NIN: variants seen among roughly 807,000 people sequenced by gnomAD.
The protein encoded by NIN is glycogen synthase kinase 3 beta-interacting protein.
NIN carries 137 observed loss-of-function variants against 257.6 expected under a neutral mutation model. The ratio of observed to expected loss-of-function variants is 0.53; its 90% CI spans 0.46 to 0.61. NIN has a LOEUF of 0.61. NIN is among the 20% of genes least tolerant of loss of function. NIN has a pLI of 0.00. For synonymous variants in NIN, 918 were observed against 919.8 expected (o/e 1.00, Z 0.04); for missense variants, 2,439 against 2,501.2 (o/e 0.98, Z 0.53).
chr14:50,813,738 A>G (rs748510994), intron 3 of NIN, among the ~76,000 whole-genome samples: 7 of 152,234 alleles, frequency 4.6e-5, no homozygotes, highest in Non-Finnish European at 1.0e-4. Flanking sequence ...TGCAGGCACT[A>G]CTGGAAATAG....
At chr14:50,789,758 T>C (rs1338837852) in intron 5 of NIN, among the ~76,000 whole-genome samples, 1 of 152,198 alleles carries the variant, frequency 6.6e-6, no homozygotes, top group Non-Finnish European at 1.5e-5. Context: ...GCACAGCTTC[T>C]GTAGAAGGGA....
intron 14 of NIN, among the ~76,000 whole-genome samples, chr14:50,765,844 T>TTTG (rs386381350): frequency 4.6e-3 from 40 of 8,666 alleles, no homozygotes; most frequent in East Asian, 0.2. Flanking sequence ...AACATTTATG[T>TTTG]TTTTTTTTTT....
At chr14:50,822,148 C>T (rs1319145517) in intron 2 of NIN, 71 bp from the exon 3 acceptor site, 4 of 1,076,438 alleles carry the variant, frequency 3.7e-6, no homozygotes, top group Non-Finnish European at 4.1e-6. Context: ...CCACCTGGCA[C>T]ATTCCCGTTC....
chr14:50,725,317 T>C (rs1040636760), intron 30 of NIN, among the ~76,000 whole-genome samples: 1 of 152,088 alleles, frequency 6.6e-6, no homozygotes, highest in Admixed American at 6.5e-5. Flanking sequence ...TGCTTGTCTC[T>C]TCAGTGGATG....
At chr14:50,725,811 C>CCTCA in intron 30 of NIN, 142 bp downstream of exon 30, 2 of 1,487,080 alleles carry the variant, frequency 1.3e-6, no homozygotes. Flanking sequence ...ATAGCAAATC[C>CCTCA]TAAGTTCTTA....
At chr14:50,747,894 G>A in intron 22 of NIN, 98 bp downstream of exon 22, 2 of 805,316 alleles carry the variant, frequency 2.5e-6, no homozygotes, top group Admixed American at 2.2e-5. Flanking sequence ...GACAGAACTT[G>A]GTACAAAGGA....
At chr14:50,792,424 A>G (rs941575986) in intron 5 of NIN, 6 of 367,414 alleles carry the variant, frequency 1.6e-5, no homozygotes, top group Non-Finnish European at 3.0e-5. Flanking sequence ...ATATTCAAGA[A>G]CTAGAAGTGG....
chr14:50,820,678 A>G (rs1030527291), intron 3 of NIN, among the ~76,000 whole-genome samples: 7 of 152,204 alleles, frequency 4.6e-5, no homozygotes, highest in African/African-American at 9.7e-5. Flanking sequence ...TATGGGGACC[A>G]CATGTATGTA....
rs768849071 is a variant in NIN at position 50,757,128 on chromosome 14, G to A, written c.3902C>T (p.Thr1301Ile). The A allele has an allele frequency of 3.1e-6, 5 of 1,612,442 alleles. No homozygotes were observed. The highest frequency in any genetic ancestry group is 3.4e-6 in the Non-Finnish European group (4 of 1,179,546). ...CTTTTCCAGGCTGAGGAATGTTTCA[G>A]TGACTTCCTCCATTTTCTTCAGCTC... Reference protein sequence around the residue: ...QDELKKMEEVTETFLSLEKSY... With the variant: ...QDELKKMEEVIETFLSLEKSY... The change falls in exon 18 of 31, where the codon ACT becomes ATT. Residue 1301 changes from threonine to isoleucine, a missense_variant. By Grantham distance (89) the Thr-to-Ile change is moderately conservative. Around this residue, in one of 3 missense-constraint regions of NIN, gnomAD observed 2,043 missense variants for 2,050.2 expected, o/e 1.00. Coordinates refer to ENST00000530997, the MANE Select transcript of NIN (RefSeq NM_020921.4).
At chr14:50,821,717 C>A (rs1481901754) in intron 3 of NIN, among the ~76,000 whole-genome samples, 157 bp downstream of exon 3, 1 of 152,182 alleles carries the variant, frequency 6.6e-6, no homozygotes, top group Non-Finnish European at 1.5e-5. Context: ...CCCTAGCAAA[C>A]TGGACTGTGA....
chr14:50,733,079 T>C (rs1412550469), intron 28 of NIN, among the ~76,000 whole-genome samples: 1 of 144,676 alleles, frequency 6.9e-6, no homozygotes, highest in African/African-American at 2.6e-5. Flanking sequence ...CCAATTTGTG[T>C]AAATCTATAG....
chr14:50,754,772 C>T lies in NIN; in HGVS notation c.4634G>A (p.Gly1545Glu). 6.3e-7 allele frequency: 1 copy of T among 1,581,060 alleles called. No individual in the cohort carries two copies. Among genetic ancestry groups the T allele is most frequent in the Non-Finnish European group, 8.6e-7 (1 of 1,159,024 alleles). ...EEDSISNLKL[G>E]TLNGSQEEMW... ...TTCTTCCTGAGATCCATTTAATGTC[C>T]CTAATTTCAGGTTAGAAATGCTATC... is the stretch of plus-strand genomic sequence containing the variant. The change falls in exon 19 of 31, where the codon GGG becomes GAG. Residue 1545 changes from glycine to glutamate, a missense_variant. Gly to Glu is a moderately conservative substitution (Grantham distance 98). Transcript: ENST00000530997.
rs1223761622 is a variant in NIN at position 50,757,605 on chromosome 14, T to A, written c.3425A>T (p.His1142Leu). The change falls in exon 18 of 31, where the codon CAT becomes CTT. Residue 1142 changes from histidine to leucine, a missense_variant. This residue lies in a region of NIN where 2,043 missense variants were observed against 2,050.2 expected (regional missense o/e 1.00). Coordinates refer to ENST00000530997, the MANE Select transcript of NIN (RefSeq NM_020921.4). ...ATCATCTTCCAGGTCACTTAGGACA[T>A]GCCGCCTGGTCACACCTTCTACTTG... ...TKQVEGVTRR[H>L]VLSDLEDDEV... 3.2e-5 allele frequency: 52 copies of A among 1,614,066 alleles called. No homozygotes were observed. Among genetic ancestry groups the A allele is most frequent in the Non-Finnish European group, 4.3e-5 (51 of 1,180,050 alleles).
chr14:50,780,120 T>A (rs1036041748), intron 5 of NIN, among the ~76,000 whole-genome samples: 1 of 152,222 alleles, frequency 6.6e-6, no homozygotes, highest in African/African-American at 2.4e-5. Context: ...TTTGACCAGT[T>A]GCAACAAGTA....
At chr14:50,730,675 T>C (rs961826478) in intron 28 of NIN, among the ~76,000 whole-genome samples, 12 of 152,218 alleles carry the variant, frequency 7.9e-5, no homozygotes, top group Admixed American at 1.3e-4. Flanking sequence ...CACTTTGTTT[T>C]CATGATAAAA....
chr14:50,766,344 A>G lies in NIN; in HGVS notation c.1598T>C (p.Leu533Pro), dbSNP rs1398381647. The G allele has an allele frequency of 6.2e-7, 1 of 1,614,064 alleles. No homozygotes were observed. The highest frequency in any genetic ancestry group is 8.5e-7 in the Non-Finnish European group (1 of 1,179,972). ...CTCATATTCATTTCTCATCTGTGTC[A>G]GTCTCTCTTCTTGCAGGAAGAACTC... is the stretch of plus-strand genomic sequence containing the variant. Reference protein sequence around the residue: ...SAEFFLQEERLTQMRNEYERQ... With the variant: ...SAEFFLQEERPTQMRNEYERQ... Residue 533 changes from leucine to proline, a missense_variant, in exon 14 of 31, where the codon CTG (leucine) becomes CCG (proline). Transcript: ENST00000530997.
intron 3 of NIN, among the ~76,000 whole-genome samples, chr14:50,818,568 G>A (rs1307686028): frequency 6.6e-6 from 1 of 151,992 alleles, no homozygotes. Context: ...TAAGTTTTTC[G>A]GTGTCTTGAG....
intron 7 of NIN, among the ~76,000 whole-genome samples, chr14:50,775,370 C>T (rs1325596579): frequency 1.3e-5 from 2 of 152,148 alleles, no homozygotes; most frequent in African/African-American, 4.8e-5. Flanking sequence ...AAGACAGTGA[C>T]TCTAGTTCCC....
In NIN at chr14:50,759,999, C is replaced by G; in HGVS notation, c.2257G>C (p.Glu753Gln). 1 of 1,614,228 alleles carries G rather than the reference C, an allele frequency of 6.2e-7. No homozygotes were observed. The highest frequency in any genetic ancestry group is 1.1e-5 in the South Asian group (1 of 91,084). The stretch of plus-strand genomic sequence containing the variant: ...TCCTGAGTCAAGCCTCTCACCTTCT[C>G]TTCTGTCCAGGCGCTACTCTGAAGG... Reference protein sequence around the residue: ...EGLQSSAWTEEKVRGLTQELE... With the variant: ...EGLQSSAWTEQKVRGLTQELE... Residue 753 changes from glutamate to glutamine, a missense_variant, in exon 17 of 31, where the codon GAG becomes CAG. Coordinates refer to ENST00000530997, the MANE Select transcript of NIN (RefSeq NM_020921.4).
Sources: gnomAD v4.1 joint callset for allele counts (sites outside exome capture counted in the v4.1 genomes callset) on GRCh38, gnomAD v4.1.1 for gene constraint, gnomAD v4.1.1 regional missense constraint, MANE v1.5 for transcripts, NCBI Gene and HGNC (gene_info 2026-07-23, HGNC 2026-07-21) for gene names.